HMCES: variants seen among roughly 807,000 people sequenced by gnomAD.
HMCES encodes 5-hydroxymethylcytosine binding, ES cell specific.
A neutral mutation model predicts 35.1 loss-of-function variants in HMCES; 27 were observed. The observed-to-expected ratio is 0.77, with a 90% CI of 0.57 to 1.06. The LOEUF is 1.06. HMCES is among the 50% of genes least tolerant of loss of function. The pLI is 0.00. For missense variants in HMCES, 391 were observed against 430.4 expected (o/e 0.91, Z 0.81); for synonymous variants, 130 against 154.7 (o/e 0.84, Z 1.18).
chr3:129,293,413 CCAGT>C (rs1198126126), intron 4 of HMCES, among the ~76,000 whole-genome samples: 3 of 151,990 alleles, frequency 2.0e-5, no homozygotes, highest in Non-Finnish European at 1.5e-5. Context: ...CCCAGTCTAG[CCAGT>C]CTAGTAACAC....
chr3:129,287,210 T>A (rs941301469), intron 2 of HMCES, among the ~76,000 whole-genome samples: 3 of 147,440 alleles, frequency 2.0e-5, no homozygotes, highest in Non-Finnish European at 4.4e-5. Flanking sequence ...TTTTGTGGGG[T>A]TTTTTTGTTT....
At chr3:129,280,880 A>G (rs750553620) in intron 2 of HMCES, among the ~76,000 whole-genome samples, 9 of 152,338 alleles carry the variant, frequency 5.9e-5, no homozygotes, top group Non-Finnish European at 1.2e-4. Flanking sequence ...AGAAAGTAAT[A>G]GTTTCTCCAT....
chr3:129,293,652 C>A (rs1191996152), intron 4 of HMCES, among the ~76,000 whole-genome samples: 1 of 146,324 alleles, frequency 6.8e-6, no homozygotes, highest in African/African-American at 2.5e-5. Context: ...CTCACTGCAA[C>A]CTCCACCTCC....
chr3:129,290,156 A>G (rs1576984313), intron 3 of HMCES, among the ~76,000 whole-genome samples: 1 of 144,892 alleles, frequency 6.9e-6, no homozygotes. Context: ...ACGCCACTGC[A>G]CTCCAGCCTG....
chr3:129,287,450 C>T (rs955730922), intron 2 of HMCES, among the ~76,000 whole-genome samples: 1 of 151,312 alleles, frequency 6.6e-6, no homozygotes, highest in Non-Finnish European at 1.5e-5. Flanking sequence ...GTATGTACAA[C>T]GTTTATGCCC....
At chr3:129,290,945 G>A (rs2071007248) in intron 4 of HMCES, 141 bp downstream of exon 4, 2 of 749,434 alleles carry the variant, frequency 2.7e-6, no homozygotes, top group Non-Finnish European at 2.0e-6. Context: ...GCTCACGCCT[G>A]TGATCCCAGC....
chr3:129,298,353 G>A lies in HMCES; in HGVS notation c.454-1G>A, dbSNP rs2071118181. The A allele has an allele frequency of 6.2e-7, 1 of 1,614,176 alleles. No individual in the cohort carries two copies. Among genetic ancestry groups the A allele is most frequent in the African/African-American group, 1.3e-5 (1 of 75,068 alleles). ...AATCTGCCCATATATTTTGCTTCCAGTCAGGTAGCATTGGTGCTGCAGATA... is the reference window on the plus strand; with the variant it reads ...AATCTGCCCATATATTTTGCTTCCAATCAGGTAGCATTGGTGCTGCAGATA... On this transcript the variant is annotated splice_acceptor_variant, in intron 4 of 6. Transcript: ENST00000383463. LOFTEE classifies it high-confidence loss of function.
chr3:129,286,914 T>C (rs550575305), intron 2 of HMCES, among the ~76,000 whole-genome samples: 13 of 152,262 alleles, frequency 8.5e-5, no homozygotes, highest in Admixed American at 7.9e-4. Context: ...AAGGGGCCCA[T>C]TACTTAAAAA....
intron 2 of HMCES, 95 bp from the exon 3 acceptor site, chr3:129,288,759 T>C (rs372968360): frequency 4.1e-6 from 4 of 967,256 alleles, no homozygotes; most frequent in Admixed American, 2.9e-5. Flanking sequence ...GAATTCTTTA[T>C]ATTTCAATAC....
At chr3:129,280,529 A>T (rs1940445151) in intron 2 of HMCES, among the ~76,000 whole-genome samples, 1 of 152,242 alleles carries the variant, frequency 6.6e-6, no homozygotes, top group Non-Finnish European at 1.5e-5. Flanking sequence ...AAATTTAAGA[A>T]TATTTCTATG....
intron 2 of HMCES, 76 bp from the exon 3 acceptor site, chr3:129,288,770 TCCTAAATA>T: frequency 9.9e-7 from 1 of 1,011,986 alleles, no homozygotes; most frequent in East Asian, 2.8e-5. Context: ...ATTTCAATAC[TCCTAAATA>T]ATGTAATAAA....
chr3:129,280,767 TG>T (rs1940454222), intron 2 of HMCES, among the ~76,000 whole-genome samples: 1 of 152,240 alleles, frequency 6.6e-6, no homozygotes, highest in Admixed American at 6.5e-5. Context: ...ATCCCTGTAG[TG>T]TTGGAATTAC....
At chr3:129,281,051 A>G (rs755426781) in intron 2 of HMCES, among the ~76,000 whole-genome samples, 8 of 151,790 alleles carry the variant, frequency 5.3e-5, no homozygotes, top group East Asian at 2.0e-4. Context: ...GTGAAACCCT[A>G]TCTCTACTAA....
intron 4 of HMCES, among the ~76,000 whole-genome samples, chr3:129,295,014 C>T (rs528861410): frequency 6.6e-6 from 1 of 152,050 alleles, no homozygotes; most frequent in Admixed American, 6.6e-5. Flanking sequence ...AAAAAATTAG[C>T]CGGGCGTGGT....
intron 5 of HMCES, among the ~76,000 whole-genome samples, chr3:129,301,407 C>A (rs2071167548): frequency 6.9e-6 from 1 of 144,732 alleles, no homozygotes; most frequent in Non-Finnish European, 1.5e-5. Context: ...TCTGAATCAA[C>A]TGTACCACCC....
Position 129,286,445 on chromosome 3 carries a change from A to G in HMCES, c.184-2409A>G, listed in dbSNP as rs546404900. On this transcript the variant is annotated intron_variant, in intron 2 of 6. Coordinates refer to ENST00000383463, the MANE Select transcript of HMCES (RefSeq NM_020187.3). The stretch of plus-strand genomic sequence containing the variant: ...AATCATATAGTATCACTCATGCCAC[A>G]TTCTGTTGGTTACAAGCCCGTCCAG... Among the ~76,000 whole-genome samples the G allele has an allele frequency of 2.6e-5, 4 of 152,310 alleles. No homozygotes were observed. The South Asian group carries it at 8.3e-4, about 32-fold the overall frequency.
rs1011299277 is a variant in HMCES at position 129,279,123 on chromosome 3, G to C, written c.-24+218G>C. 6.6e-6 allele frequency: 1 copy of C among 152,260 alleles called. No individual in the cohort carries two copies. The highest frequency in any genetic ancestry group is 1.9e-4 in the East Asian group (1 of 5,140). 9.4% of individuals were successfully genotyped at this position (152,260 alleles called of 1,614,324 possible). A position where few individuals can be genotyped will look rare whatever the true frequency, so the allele number is the denominator to read the frequency against. On this transcript the variant is annotated intron_variant, in intron 1 of 6. Coordinates refer to ENST00000383463, the MANE Select transcript of HMCES (RefSeq NM_020187.3). The surrounding 1 kb of genome is among the most constrained non-coding windows in gnomAD (Gnocchi z 4.2). ...CGGGGAGGGGCGAGGGATCGCGGCC[G>C]GTGGCTGGGGGCCACCTGCTCCCCG...
chr3:129,294,818 TTC>T (rs1245157832), intron 4 of HMCES, among the ~76,000 whole-genome samples: 1 of 152,192 alleles, frequency 6.6e-6, no homozygotes, highest in African/African-American at 2.4e-5. Context: ...TGGTAATAAA[TTC>T]TGATTTTTTT....
rs1272949031 is a variant in HMCES, at chr3:129,304,493, A to G, written c.829-96A>G. The G allele has an allele frequency of 4.0e-6, 4 of 1,012,626 alleles. No individual in the cohort carries two copies. In the East Asian group the frequency reaches 9.5e-5, roughly 24 times the overall value. The allele number at this position is 1,012,626 out of a possible 1,614,324, so 62.7% of individuals were successfully genotyped here. On this transcript the variant is annotated intron_variant, in intron 6 of 6. Coordinates refer to ENST00000383463, the MANE Select transcript of HMCES (RefSeq NM_020187.3). ...TAGTAACATTTTCCAAGCCTGGGTA[A>G]GTACCTAATGCCTCTTCCCCTGTTT...
Sources: gnomAD v4.1 joint callset for allele counts (sites outside exome capture counted in the v4.1 genomes callset) on GRCh38, gnomAD v4.1.1 for gene constraint, Gnocchi (gnomAD v3.1) non-coding constraint, MANE v1.5 for transcripts, NCBI Gene and HGNC (gene_info 2026-07-23, HGNC 2026-07-21) for gene names.